Variants in ANAPC10 observed in about 807,000 individuals in gnomAD.
ANAPC10 encodes anaphase promoting complex subunit 10.
In ANAPC10, 12 loss-of-function variants were observed where a neutral mutation model predicts 22.0. The ratio of observed to expected loss-of-function variants is 0.55; its 90% confidence interval spans 0.35 to 0.88. The LOEUF (loss-of-function observed/expected upper bound fraction) is 0.88, where lower values mean the gene tolerates loss of function less well. ANAPC10 is among the 40% of genes least tolerant of loss of function. The pLI, the probability that ANAPC10 is intolerant of heterozygous loss-of-function variation, is 0.01. For synonymous variants in ANAPC10, 65 were observed against 69.5 expected, an observed-to-expected ratio of 0.94 and a Z score of 0.32; for missense variants, 188 against 220.9, an observed-to-expected ratio of 0.85 and a Z score of 0.94.
upstream of ANAPC10, chr4:145,098,506 G>A (rs879741590): frequency 6.6e-6 from 1 of 152,388 alleles, no homozygotes; most frequent in Non-Finnish European, 1.5e-5. Context: ...AGAGCCTTTG[G>A]TTAGGCCTTA....
chr4:145,030,702 C>A (rs186753983), intron 4 of ANAPC10, among the ~76,000 whole-genome samples: 182 of 152,314 alleles, frequency 1.2e-3, no homozygotes, highest in African/African-American at 4.2e-3. Context: ...CATTGGCTCC[C>A]TGACTGGTAG....
chr4:145,013,282 GA>G (rs1202450785), intron 4 of ANAPC10, among the ~76,000 whole-genome samples: 1 of 151,698 alleles, frequency 6.6e-6, no homozygotes, highest in African/African-American at 2.4e-5. Flanking sequence ...GAGCACAAAT[GA>G]AAAAAACCTA....
At chr4:145,078,614 C>A (rs1221849815) in intron 3 of ANAPC10, among the ~76,000 whole-genome samples, 4 of 152,042 alleles carry the variant, frequency 2.6e-5, no homozygotes, top group African/African-American at 4.8e-5. Context: ...ACATTACCCC[C>A]AACTTCAAAC....
intron 4 of ANAPC10, among the ~76,000 whole-genome samples, chr4:145,036,994 A>ATGTGTGTGTGTGTG (rs1738640596): frequency 9.6e-6 from 1 of 104,666 alleles, no homozygotes; most frequent in African/African-American, 3.7e-5. Flanking sequence ...CAAATAGATA[A>ATGTGTGTGTGTGTG]CGTGTGTGTG....
chr4:144,995,452 G>T lies in ANAPC10; in HGVS notation c.479C>A (p.Thr160Lys), dbSNP rs777346824. 2 of 1,613,636 alleles carry T rather than the reference G, an allele frequency of 1.2e-6. No homozygotes were observed. Among genetic ancestry groups the T allele is most frequent in the Admixed American group, 3.3e-5 (2 of 60,000 alleles). Residue 160 changes from threonine to lysine, a missense_variant, in exon 5 of 5, where the codon ACA (threonine) becomes AAA (lysine). Transcript: ENST00000507656. ...DTHMRQIKIY[T>K]PVEESSIGKF... ...ACCAATGGAGCTCTCTTCTACTGGT[G>T]TGTATATTTTAATTTGTCTCATATG...
chr4:145,010,545 T>A (rs575317700), intron 4 of ANAPC10, among the ~76,000 whole-genome samples: 1 of 152,078 alleles, frequency 6.6e-6, no homozygotes, highest in East Asian at 1.9e-4. Flanking sequence ...AAGGTGAAAA[T>A]CATCATTCTG....
intron 2 of ANAPC10, among the ~76,000 whole-genome samples, chr4:145,087,242 C>T (rs978477607): frequency 2.6e-5 from 4 of 152,192 alleles, no homozygotes; most frequent in African/African-American, 9.7e-5. Context: ...ACTAACACAA[C>T]ACCACTAGAG....
intron 4 of ANAPC10, among the ~76,000 whole-genome samples, chr4:145,007,038 G>A (rs1035153010): frequency 7.3e-5 from 11 of 151,636 alleles, no homozygotes; most frequent in African/African-American, 2.2e-4. Flanking sequence ...TGGGAGGCGC[G>A]GGTCCCAAGA....
intron 4 of ANAPC10, among the ~76,000 whole-genome samples, chr4:145,022,327 C>A (rs1736075231): frequency 6.6e-6 from 1 of 152,070 alleles, no homozygotes; most frequent in South Asian, 2.1e-4. Flanking sequence ...TGGGATACTA[C>A]TCAGCCATAA....
At chr4:145,092,143 C>T (rs977712085) in intron 2 of ANAPC10, among the ~76,000 whole-genome samples, 2 of 152,066 alleles carry the variant, frequency 1.3e-5, no homozygotes, top group African/African-American at 4.8e-5. Context: ...GGGAGGGGAA[C>T]ATCACACACT....
chr4:145,092,173 T>A (rs994790713), intron 2 of ANAPC10, among the ~76,000 whole-genome samples: 1 of 151,424 alleles, frequency 6.6e-6, no homozygotes, highest in East Asian at 1.9e-4. Context: ...CAGGATGGGG[T>A]AGGGGGAGGG....
rs555633000 is a variant in ANAPC10 at position 145,052,903 on chromosome 4, A to G, written c.327+11669T>C. ...ACTCTGTCTCAAAAAAAAAAAAAAA[A>G]GGGATACTCATTTATTATAAAAATC... On this transcript the variant is annotated intron_variant, in intron 4 of 4. Coordinates refer to ENST00000507656, the MANE Select transcript of ANAPC10 (RefSeq NM_001256706.2). Among the ~76,000 whole-genome samples the G allele has an allele frequency of 4.1e-3, 626 of 151,784 alleles. 6 individuals carry two copies. The highest frequency in any genetic ancestry group is 0.014 in the African/African-American group (591 of 41,434).
chr4:145,063,675 T>C (rs1475416963), intron 4 of ANAPC10, among the ~76,000 whole-genome samples: 1 of 152,100 alleles, frequency 6.6e-6, no homozygotes, highest in Non-Finnish European at 1.5e-5. Context: ...TTCAAAGTCA[T>C]TGAAAATACC....
intron 1 of ANAPC10, 89 bp downstream of exon 1, chr4:145,098,031 A>G (rs1226914906): frequency 6.4e-6 from 1 of 155,694 alleles, no homozygotes; most frequent in Non-Finnish European, 1.4e-5. Context: ...GGAAAGCGCA[A>G]ACGTAAAAAA....
At chr4:145,096,147 GA>G (rs1356635418) in intron 1 of ANAPC10, 36 bp from the exon 2 acceptor site, 6 of 1,589,270 alleles carry the variant, frequency 3.8e-6, no homozygotes, top group Non-Finnish European at 5.1e-6. Flanking sequence ...ATTGTATCAG[GA>G]ACTGGGCATC....
At chr4:145,002,990 T>C (rs969373204) in intron 4 of ANAPC10, among the ~76,000 whole-genome samples, 1 of 152,084 alleles carries the variant, frequency 6.6e-6, no homozygotes, top group Non-Finnish European at 1.5e-5. Context: ...ACCCGATAGG[T>C]AGTTTTCCAT....
intron 4 of ANAPC10, among the ~76,000 whole-genome samples, chr4:145,041,173 C>T (rs1229990033): frequency 6.6e-6 from 1 of 152,102 alleles, no homozygotes; most frequent in Non-Finnish European, 1.5e-5. Context: ...TCATAATTTA[C>T]TTTCAAAAGT....
intron 4 of ANAPC10, among the ~76,000 whole-genome samples, chr4:145,036,995 CGTGTGTGTGTGTGTGTGTGT>C (rs202100756): frequency 2.9e-3 from 387 of 131,244 alleles, no homozygotes; most frequent in African/African-American, 0.011. Flanking sequence ...AAATAGATAA[CGTGTGTGTGTGTGTGTGTGT>C]GTGTGTGTGT....
chr4:145,015,673 T>A (rs1050762224), intron 4 of ANAPC10, among the ~76,000 whole-genome samples: 2 of 152,066 alleles, frequency 1.3e-5, no homozygotes, highest in Admixed American at 1.3e-4. Flanking sequence ...GAAAGAATCT[T>A]AAGAGCTGTG....
Sources: allele counts gnomAD v4.1 joint callset (sites outside exome capture counted in the v4.1 genomes callset), GRCh38; gene constraint gnomAD v4.1.1; transcripts MANE v1.5; gene names NCBI Gene and HGNC (gene_info 2026-07-23, HGNC 2026-07-21).